Variants in SH3BGRL2 observed in about 807,000 individuals in gnomAD.
The protein encoded by SH3BGRL2 is SH3 domain binding glutamate rich protein like 2.
In SH3BGRL2, 21 loss-of-function variants were observed where a neutral mutation model predicts 14.8. The ratio of observed to expected loss-of-function variants is 1.42; its 90% CI spans 1.01 to 2.05. The LOEUF (loss-of-function observed/expected upper bound fraction) is 2.05. Ranked by LOEUF, SH3BGRL2 falls within the 30% of genes most tolerant of loss-of-function variation. The pLI is 0.00. For synonymous variants in SH3BGRL2, 50 were observed against 47.8 expected (o/e 1.05, Z -0.19); for missense variants, 147 against 130.8 (o/e 1.12, Z -0.61).
At chr6:79,579,835 A>G in the SH3BGRL2 span, among the ~76,000 whole-genome samples, 1 of 152,226 alleles carries the variant, frequency 6.6e-6, no homozygotes, top group Admixed American at 6.6e-5. Flanking sequence ...AAATGCCCCA[A>G]TTAAAAGACA....
At chr6:79,540,647 G>A in the SH3BGRL2 span, among the ~76,000 whole-genome samples, 1 of 151,726 alleles carries the variant, frequency 6.6e-6, no homozygotes, top group East Asian at 1.9e-4. Flanking sequence ...TTTTGTTAAT[G>A]GAGAAAGAAA....
the SH3BGRL2 span, among the ~76,000 whole-genome samples, chr6:79,566,478 A>G: frequency 6.6e-6 from 1 of 152,126 alleles, no homozygotes; most frequent in Non-Finnish European, 1.5e-5. Flanking sequence ...TATTGTCCCA[A>G]ACGTAATAGG....
intron 2 of SH3BGRL2, among the ~76,000 whole-genome samples, chr6:79,692,553 C>T (rs1268907001): frequency 1.3e-5 from 2 of 152,160 alleles, no homozygotes; most frequent in East Asian, 1.9e-4. Context: ...AGGAAGGGAT[C>T]CAGTTTCAGC....
the SH3BGRL2 span, among the ~76,000 whole-genome samples, chr6:79,543,735 A>G: frequency 6.6e-6 from 1 of 152,150 alleles, no homozygotes; most frequent in Non-Finnish European, 1.5e-5. Flanking sequence ...TCCAACAAAC[A>G]CTTCGAGTAC....
the SH3BGRL2 span, among the ~76,000 whole-genome samples, chr6:79,612,067 G>T: frequency 6.6e-6 from 1 of 152,142 alleles, no homozygotes; most frequent in African/African-American, 2.4e-5. Flanking sequence ...AGAGGGCAAG[G>T]CTGGATAATC....
At chr6:79,628,914 T>C (rs551002138), upstream of SH3BGRL2, among the ~76,000 whole-genome samples, 4 of 152,268 alleles carry the variant, frequency 2.6e-5, no homozygotes, top group South Asian at 2.1e-4. Flanking sequence ...CTTACAGATA[T>C]AGGGATATTA....
chr6:79,580,083 C>A, the SH3BGRL2 span, among the ~76,000 whole-genome samples: 5 of 152,064 alleles, frequency 3.3e-5, no homozygotes, highest in Admixed American at 2.6e-4. Flanking sequence ...GGATCAATTC[C>A]GCAAGAAGAG....
chr6:79,552,004 C>T, the SH3BGRL2 span, among the ~76,000 whole-genome samples: 4 of 152,086 alleles, frequency 2.6e-5, no homozygotes, highest in Non-Finnish European at 5.9e-5. Flanking sequence ...GGCACAAAAT[C>T]GCTTGAACCC....
At chr6:79,660,853 C>G (rs903931281) in intron 1 of SH3BGRL2, among the ~76,000 whole-genome samples, 3 of 152,120 alleles carry the variant, frequency 2.0e-5, no homozygotes, top group African/African-American at 4.8e-5. Flanking sequence ...CAACTTCTTT[C>G]TGGTTTAGTC....
At chr6:79,540,434 C>T in the SH3BGRL2 span, among the ~76,000 whole-genome samples, 1 of 145,378 alleles carries the variant, frequency 6.9e-6, no homozygotes, top group African/African-American at 2.5e-5. Context: ...GATTCCGTCT[C>T]AAAAATAAAT....
In SH3BGRL2 at chr6:79,674,092, G is replaced by GTA. The variant is rs1554203632; in HGVS notation, c.231+294_231+295insAT. Among the ~76,000 whole-genome samples, 55 of 151,650 alleles carry GTA rather than the reference G, an allele frequency of 3.6e-4. No individual in the cohort carries two copies. In the Middle Eastern group the frequency reaches 0.014, roughly 38 times the overall value. On this transcript the variant is annotated intron_variant, in intron 2 of 3. Transcript: ENST00000369838. ...GTAGGAAGGGAAGCTCTGTGTATGT[G>GTA]TGTATGTATGTATGTATGTGTGTAT...
At chr6:79,652,702 A>AG (rs1467491456) in intron 1 of SH3BGRL2, among the ~76,000 whole-genome samples, 10 of 151,868 alleles carry the variant, frequency 6.6e-5, no homozygotes, top group African/African-American at 2.4e-4. Flanking sequence ...AGCAGTAAGG[A>AG]GGGGGGACCC....
the SH3BGRL2 span, among the ~76,000 whole-genome samples, chr6:79,610,799 G>C: frequency 1.3e-5 from 2 of 152,132 alleles, no homozygotes; most frequent in Non-Finnish European, 2.9e-5. Context: ...TACATTGAAC[G>C]TCCTGGCTGC....
At chr6:79,689,067 TG>T (rs1280612709) in intron 2 of SH3BGRL2, among the ~76,000 whole-genome samples, 1 of 152,142 alleles carries the variant, frequency 6.6e-6, no homozygotes, top group Non-Finnish European at 1.5e-5. Flanking sequence ...AATTAACAAA[TG>T]CAATTCATCT....
intron 2 of SH3BGRL2, among the ~76,000 whole-genome samples, chr6:79,685,243 GC>G (rs2127736731): frequency 6.6e-6 from 1 of 152,294 alleles, no homozygotes; most frequent in South Asian, 2.1e-4. Context: ...TGCATGGCTA[GC>G]AGTATATCTT....
intron 1 of SH3BGRL2, among the ~76,000 whole-genome samples, chr6:79,644,567 T>C (rs562707554): frequency 7.2e-5 from 11 of 152,110 alleles, no homozygotes; most frequent in Non-Finnish European, 1.5e-4. Flanking sequence ...TAGAAGAAAT[T>C]TGTGTGATAC....
chr6:79,587,705 A>G, the SH3BGRL2 span, among the ~76,000 whole-genome samples: 1 of 152,196 alleles, frequency 6.6e-6, no homozygotes, highest in Non-Finnish European at 1.5e-5. Flanking sequence ...TTAAACTGAC[A>G]AAAGATAAAT....
intron 2 of SH3BGRL2, among the ~76,000 whole-genome samples, chr6:79,692,628 T>G (rs1185117014): frequency 6.6e-6 from 1 of 152,212 alleles, no homozygotes; most frequent in Non-Finnish European, 1.5e-5. Context: ...TTTCCCCATT[T>G]CTTGTTTTTG....
intron 2 of SH3BGRL2, among the ~76,000 whole-genome samples, chr6:79,685,504 A>G (rs544866694): frequency 2.0e-5 from 3 of 152,120 alleles, no homozygotes; most frequent in African/African-American, 7.2e-5. Flanking sequence ...ATTAATATCT[A>G]TATTCCTTGA....
Sources: gnomAD v4.1 joint callset for allele counts (sites outside exome capture counted in the v4.1 genomes callset) on GRCh38, gnomAD v4.1.1 for gene constraint, MANE v1.5 for transcripts, NCBI Gene and HGNC (gene_info 2026-07-23, HGNC 2026-07-21) for gene names.